The following ABCA10 variants were observed in gnomAD, a reference collection of about 807,000 sequenced individuals.
The protein encoded by ABCA10 is ATP-binding cassette sub-family A member 10.
A neutral mutation model predicts 187.5 loss-of-function variants in ABCA10; 169 were observed. That is an observed-to-expected ratio of 0.90 (90% CI 0.80 to 1.02). The LOEUF (loss-of-function observed/expected upper bound fraction) is 1.02. Ranked by LOEUF, ABCA10 falls within the 50% of genes least tolerant of loss-of-function variation. The pLI is 0.00. For missense variants in ABCA10, 1,727 were observed against 1,812.4 expected (o/e 0.95, Z 0.86); for synonymous variants, 574 against 601.8 (o/e 0.95, Z 0.68).
rs557574893 is a variant in ABCA10 at position 69,151,327 on chromosome 17, T to C, written c.4397+716A>G. Among the ~76,000 whole-genome samples the C allele has an allele frequency of 4.6e-5, 7 of 152,346 alleles. No individual in the cohort carries two copies. In the East Asian group the frequency reaches 1.3e-3, roughly 29 times the overall value. ...TACCTCAATGTCATATCCTCATTTA[T>C]TTGTATCTTCATTTGCTTAATATCT... is the stretch of plus-strand genomic sequence containing the variant. On this transcript the variant is annotated intron_variant, in intron 36 of 38. Transcript: ENST00000690296.
At chr17:69,233,763 G>A (rs1049364109), upstream of ABCA10, 6 of 152,220 alleles carry the variant, frequency 3.9e-5, no homozygotes, top group Non-Finnish European at 8.8e-5. Context: ...CTGAGCCCAA[G>A]ACCAGTACAG....
At position 69,148,651 on chromosome 17, in the gene ABCA10, C is replaced by T; in HGVS notation, c.*176G>A. ...TTGTTAATTTTGTCTACTACTTTTC[C>T]CTATATTTCCTTGTTTCCTTCATCC... is the stretch of plus-strand genomic sequence containing the variant. On this transcript the variant is annotated 3_prime_UTR_variant, in exon 39 of 39. Transcript: ENST00000690296. 3 of 572,584 alleles carry T rather than the reference C, an allele frequency of 5.2e-6. No homozygotes were observed. Among genetic ancestry groups the T allele is most frequent in the Non-Finnish European group, 8.9e-6 (3 of 335,288 alleles). The allele number at this position is 572,584 out of a possible 1,614,324, so 35.5% of individuals were successfully genotyped here. A position where few individuals can be genotyped will look rare whatever the true frequency, so the allele number is the denominator to read the frequency against.
chr17:69,221,768 A>G (rs2144847480), intron 5 of ABCA10, 24 bp downstream of exon 5: 1 of 1,568,680 alleles, frequency 6.4e-7, no homozygotes, highest in Middle Eastern at 1.7e-4. Flanking sequence ...GATTTAAAAT[A>G]TAGCTTTGAA....
In ABCA10 at chr17:69,201,736, C is replaced by T; in HGVS notation, c.1007-68G>A. The T allele has an allele frequency of 5.6e-6, 7 of 1,254,520 alleles. No individual in the cohort carries two copies. The South Asian group carries it at 7.8e-5, about 14-fold the overall frequency. The allele number at this position is 1,254,520 out of a possible 1,614,324, so 77.7% of individuals were successfully genotyped here. A position where few individuals can be genotyped will look rare whatever the true frequency, so the allele number is the denominator to read the frequency against. On this transcript the variant is annotated intron_variant, in intron 9 of 38. Transcript: ENST00000690296. ...ACACCAATAAAAAGGGACATCTGTC[C>T]TTTACTTGATATCAATTTTGAACTT... is the stretch of plus-strand genomic sequence containing the variant.
At chr17:69,225,230 A>G in intron 3 of ABCA10, 95 bp downstream of exon 3, 4 of 1,393,164 alleles carry the variant, frequency 2.9e-6, no homozygotes, top group Non-Finnish European at 4.0e-6. Flanking sequence ...GTTGAGAATC[A>G]CTGACACACA....
chr17:69,215,026 T>C (rs1342522181), intron 8 of ABCA10, among the ~76,000 whole-genome samples, 175 bp from the exon 9 acceptor site: 1 of 152,156 alleles, frequency 6.6e-6, no homozygotes, highest in African/African-American at 2.4e-5. Context: ...GTAAGTATTC[T>C]CACAAAATTT....
rs887981944 is a variant in ABCA10 at position 69,163,950 on chromosome 17, T to C, written c.3363+124A>G. The C allele has an allele frequency of 6.3e-6, 4 of 631,930 alleles. No individual in the cohort carries two copies. In the African/African-American group the frequency reaches 7.8e-5, roughly 12 times the overall value. The allele number at this position is 631,930 out of a possible 1,614,324, so 39.1% of individuals were successfully genotyped here. A position where few individuals can be genotyped will look rare whatever the true frequency, so the allele number is the denominator to read the frequency against. On this transcript the variant is annotated intron_variant, in intron 27 of 38. Transcript: ENST00000690296. ...TCTTTAGTTCTTGCTGCCATTATAT[T>C]GGAATGGAAAATACAGAAAGAGTGG...
intron 9 of ABCA10, among the ~76,000 whole-genome samples, chr17:69,204,053 CA>C (rs1475889922): frequency 2.0e-5 from 3 of 152,222 alleles, no homozygotes; most frequent in Non-Finnish European, 4.4e-5. Context: ...CATTCCCTAT[CA>C]AGTGAAAATT....
rs551390747 is a variant in ABCA10, at chr17:69,148,112, T to G, written c.*715A>C. 19 of 152,260 alleles carry G rather than the reference T, an allele frequency of 1.2e-4. No homozygotes were observed. Among genetic ancestry groups the G allele is most frequent in the African/African-American group, 3.9e-4 (16 of 41,546 alleles). 9.4% of individuals were successfully genotyped at this position (152,260 alleles called of 1,614,324 possible). On this transcript the variant is annotated 3_prime_UTR_variant, in exon 39 of 39. Transcript: ENST00000690296. ...AGCTATAACATTAATGCAGCAATTA[T>G]ATAACACAAAAGTGCTATAATGACA...
intron 27 of ABCA10, among the ~76,000 whole-genome samples, chr17:69,163,035 C>T (rs547863642): frequency 6.6e-6 from 1 of 152,216 alleles, no homozygotes; most frequent in African/African-American, 2.4e-5. Context: ...TGCGGTTTCA[C>T]CATGTTGCCC....
chr17:69,240,740 C>A (rs1382254479), intron 1 of ABCA10, among the ~76,000 whole-genome samples: 1 of 152,218 alleles, frequency 6.6e-6, no homozygotes. Flanking sequence ...TCTTTCCCAG[C>A]AGTGCTTTCC....
rs530797309 is a variant in ABCA10 at position 69,197,108 on chromosome 17, A to G, written c.1190T>C (p.Ile397Thr). ...TCCAGTCTTTCCATTATATTCTTTTATAACATTTCTGATTCTGAAAGAAGA... is the reference window on the plus strand; with the variant it reads ...TCCAGTCTTTCCATTATATTCTTTTGTAACATTTCTGATTCTGAAAGAAGA... Reference protein sequence around the residue: ...GKEAIRIRNVIKEYNGKTGKV... With the variant: ...GKEAIRIRNVTKEYNGKTGKV... Residue 397 changes from isoleucine (I) to threonine (T), a missense_variant, in exon 11 of 39, where the codon ATA (isoleucine) becomes ACA (threonine). Ile to Thr is a moderately conservative substitution (Grantham distance 89, BLOSUM62 -1). Transcript: ENST00000690296. The G allele has an allele frequency of 3.8e-6, 6 of 1,594,316 alleles. No individual in the cohort carries two copies. Among genetic ancestry groups the G allele is most frequent in the Admixed American group, 1.7e-5 (1 of 59,244 alleles).
intron 1 of ABCA10, among the ~76,000 whole-genome samples, chr17:69,242,676 C>T (rs1373572052): frequency 6.6e-6 from 1 of 152,092 alleles, no homozygotes; most frequent in African/African-American, 2.4e-5. Flanking sequence ...GTTGGCCAGA[C>T]TGGTCTCGAA....
upstream of ABCA10, among the ~76,000 whole-genome samples, chr17:69,232,712 C>CT (rs1308950608): frequency 6.6e-6 from 1 of 152,138 alleles, no homozygotes; most frequent in Non-Finnish European, 1.5e-5. Flanking sequence ...TAGATTAGAA[C>CT]TCCCTTCAGC....
At chr17:69,206,612 C>CA (rs1184746870) in intron 9 of ABCA10, among the ~76,000 whole-genome samples, 3 of 152,170 alleles carry the variant, frequency 2.0e-5, no homozygotes, top group Non-Finnish European at 4.4e-5. Context: ...CCTGTCTGTG[C>CA]AAAAGCATTT....
intron 10 of ABCA10, among the ~76,000 whole-genome samples, chr17:69,198,254 C>G (rs1190985041): frequency 6.6e-6 from 1 of 152,228 alleles, no homozygotes; most frequent in Admixed American, 6.5e-5. Flanking sequence ...TCAACCAGGG[C>G]TATGACCTCT....
chr17:69,183,204 G>C (rs1400729474), intron 20 of ABCA10, among the ~76,000 whole-genome samples: 1 of 152,138 alleles, frequency 6.6e-6, no homozygotes, highest in Admixed American at 6.5e-5. Flanking sequence ...ACCCAGGCTT[G>C]TTCTAGTGAT....
At chr17:69,225,660 T>C (rs956107285) in intron 2 of ABCA10, 131 bp from the exon 3 acceptor site, 1 of 336,656 alleles carries the variant, frequency 3.0e-6, no homozygotes, top group Non-Finnish European at 5.4e-6. Flanking sequence ...AATTTTTTTC[T>C]GCCCAAATTA....
At chr17:69,174,529 T>C in intron 24 of ABCA10, 78 bp downstream of exon 24, 2 of 1,478,830 alleles carry the variant, frequency 1.4e-6, no homozygotes, top group East Asian at 2.3e-5. Flanking sequence ...CTTTTGCTAA[T>C]GACAAAACAT....
Sources: gnomAD v4.1 joint callset for allele counts (sites outside exome capture counted in the v4.1 genomes callset) on GRCh38, gnomAD v4.1.1 for gene constraint, MANE v1.5 for transcripts, NCBI Gene and HGNC (gene_info 2026-07-23, HGNC 2026-07-21) for gene names.